Variants in SPSB4 observed in about 807,000 individuals in gnomAD.
SPSB4 encodes SPRY domain-containing SOCS box protein 4.
In SPSB4, 21 loss-of-function variants were observed where a neutral mutation model predicts 20.9. The ratio of observed to expected loss-of-function variants is 1.01; its 90% confidence interval spans 0.71 to 1.45. SPSB4 has a LOEUF of 1.45. SPSB4 is among the 40% of genes most tolerant of loss of function. The probability of loss-of-function intolerance (pLI) is 0.00; values close to 1 mark genes in which losing one functional copy is unlikely to be tolerated. For missense variants in SPSB4, 399 were observed against 399.2 expected (o/e 1.00, Z 0.00); for synonymous variants, 207 against 183.8 (o/e 1.13, Z -1.02).
At chr3:141,076,627 C>T (rs1938114933) in intron 2 of SPSB4, among the ~76,000 whole-genome samples, 1 of 152,178 alleles carries the variant, frequency 6.6e-6, no homozygotes, top group African/African-American at 2.4e-5. Context: ...GGAGATTAGG[C>T]CTGAGGGACA....
intron 2 of SPSB4, among the ~76,000 whole-genome samples, chr3:141,073,971 C>T (rs542724413): frequency 6.6e-6 from 1 of 152,356 alleles, no homozygotes; most frequent in African/African-American, 2.4e-5. Flanking sequence ...CGATCAGATG[C>T]TGTGGCCCTT....
At chr3:141,079,117 C>A (rs553310097) in intron 2 of SPSB4, among the ~76,000 whole-genome samples, 4 of 151,984 alleles carry the variant, frequency 2.6e-5, no homozygotes, top group Non-Finnish European at 5.9e-5. Context: ...CAAAAATAGC[C>A]GGGTGTGGTG....
intron 2 of SPSB4, among the ~76,000 whole-genome samples, chr3:141,119,508 C>A (rs1204639849): frequency 3.3e-5 from 5 of 152,182 alleles, no homozygotes; most frequent in African/African-American, 9.7e-5. Flanking sequence ...ATTGCCCTGG[C>A]CAGAACTTCC....
chr3:141,095,594 G>T (rs1047301118), intron 2 of SPSB4, among the ~76,000 whole-genome samples: 2 of 152,078 alleles, frequency 1.3e-5, no homozygotes, highest in Admixed American at 6.5e-5. Context: ...CTGTGAGAAG[G>T]ATGGATGAGG....
chr3:141,102,565 A>C (rs1376857943), intron 2 of SPSB4, among the ~76,000 whole-genome samples: 1 of 152,194 alleles, frequency 6.6e-6, no homozygotes, highest in Non-Finnish European at 1.5e-5. Context: ...CAGCAGCAGC[A>C]GCATGTGCAA....
chr3:141,093,730 G>A (rs1576528451), intron 2 of SPSB4, among the ~76,000 whole-genome samples: 1 of 152,182 alleles, frequency 6.6e-6, no homozygotes, highest in South Asian at 2.1e-4. Context: ...AGACTCTAAT[G>A]AGCAGTTCAA....
At chr3:141,130,240 A>G (rs1274820251) in intron 2 of SPSB4, among the ~76,000 whole-genome samples, 1 of 152,224 alleles carries the variant, frequency 6.6e-6, no homozygotes, top group East Asian at 1.9e-4. Flanking sequence ...TGAGGAAGAG[A>G]TGACACTTGA....
In SPSB4 at chr3:141,066,758, C is replaced by G; in HGVS notation, c.654C>G (p.Gly218=). 1 of 1,586,542 alleles carries G rather than the reference C, an allele frequency of 6.3e-7. No individual in the cohort carries two copies. The highest frequency in any genetic ancestry group is 8.6e-7 in the Non-Finnish European group (1 of 1,164,976). ...ACCCGGTGGTGAGTGCCGTGTGGGGCCACTGTGAAGTCACCATGCGCTACA... is the reference window on the plus strand; with the variant it reads ...ACCCGGTGGTGAGTGCCGTGTGGGGGCACTGTGAAGTCACCATGCGCTACA... ...KLYPVVSAVW[G]HCEVTMRYIN... The change falls in exon 2 of 3, where the codon GGC becomes GGG. Residue 218 remains glycine, a synonymous_variant. Transcript: ENST00000310546.
At position 141,066,206 on chromosome 3, in the gene SPSB4, G is replaced by A. The variant is rs780455009; in HGVS notation, c.102G>A (p.Pro34=). The part of the protein sequence containing the change: ...RELRGAEPGR[P]ARLDQLLDMP... ...TGCGGGGTGCAGAGCCCGGGCGGCCGGCGCGGCTGGACCAGCTGTTGGACA... is the reference window on the plus strand; with the variant it reads ...TGCGGGGTGCAGAGCCCGGGCGGCCAGCGCGGCTGGACCAGCTGTTGGACA... Residue 34 remains proline (P), a synonymous_variant, in exon 2 of 3, where the codon CCG becomes CCA. Coordinates refer to ENST00000310546, the MANE Select transcript of SPSB4 (RefSeq NM_080862.3). 1.3e-6 allele frequency: 2 copies of A among 1,532,860 alleles called. No individual in the cohort carries two copies. The highest frequency in any genetic ancestry group is 1.8e-6 in the Non-Finnish European group (2 of 1,141,786). The allele number at this position is 1,532,860 out of a possible 1,614,324, so 95.0% of individuals were successfully genotyped here.
chr3:141,125,134 C>G (rs1412677111), intron 2 of SPSB4, among the ~76,000 whole-genome samples: 2 of 152,164 alleles, frequency 1.3e-5, no homozygotes, highest in African/African-American at 2.4e-5. Context: ...TATCGATCAC[C>G]CTGATTAGAA....
chr3:141,126,762 T>C (rs1340283027), intron 2 of SPSB4, among the ~76,000 whole-genome samples: 1 of 152,242 alleles, frequency 6.6e-6, no homozygotes, highest in Non-Finnish European at 1.5e-5. Flanking sequence ...TTGGCTGGGA[T>C]AGGACTTGAA....
intron 2 of SPSB4, among the ~76,000 whole-genome samples, chr3:141,144,476 G>T (rs1939380862): frequency 6.6e-6 from 1 of 152,214 alleles, no homozygotes; most frequent in Non-Finnish European, 1.5e-5. Flanking sequence ...AAGCCTCAAA[G>T]CCAGGAGAGG....
intron 1 of SPSB4, among the ~76,000 whole-genome samples, chr3:141,061,978 A>G (rs1278977488): frequency 6.6e-6 from 1 of 151,856 alleles, no homozygotes; most frequent in Non-Finnish European, 1.5e-5. Flanking sequence ...CAAATGATCC[A>G]CCTGCCTTGG....
chr3:141,075,743 G>A (rs1938092641), intron 2 of SPSB4, among the ~76,000 whole-genome samples: 1 of 152,070 alleles, frequency 6.6e-6, no homozygotes, highest in African/African-American at 2.4e-5. Context: ...TGATCCCGCA[G>A]CCAAGCTAAA....
intron 2 of SPSB4, among the ~76,000 whole-genome samples, chr3:141,111,754 A>G (rs1268533533): frequency 1.3e-5 from 2 of 152,172 alleles, no homozygotes; most frequent in East Asian, 3.8e-4. Flanking sequence ...GGTCCTCGGA[A>G]AAAGACAAAG....
chr3:141,114,243 C>A (rs1938850628), intron 2 of SPSB4, among the ~76,000 whole-genome samples: 1 of 152,172 alleles, frequency 6.6e-6, no homozygotes, highest in African/African-American at 2.4e-5. Context: ...CAGTCAATCG[C>A]CCTGAGCATG....
chr3:141,092,302 T>C (rs1213795723), intron 2 of SPSB4, among the ~76,000 whole-genome samples: 1 of 152,210 alleles, frequency 6.6e-6, no homozygotes, highest in Non-Finnish European at 1.5e-5. Context: ...GCCTGCTAAA[T>C]AGTAGATATT....
chr3:141,134,751 T>C (rs1030040038), intron 2 of SPSB4, among the ~76,000 whole-genome samples: 2 of 152,200 alleles, frequency 1.3e-5, no homozygotes, highest in Non-Finnish European at 2.9e-5. Flanking sequence ...TGCATGTATG[T>C]TAATTAGGGA....
intron 2 of SPSB4, among the ~76,000 whole-genome samples, chr3:141,111,354 CTTTT>C (rs34223433): frequency 3.2e-5 from 2 of 61,810 alleles, no homozygotes; most frequent in Admixed American, 2.8e-4. Flanking sequence ...CTGGAACTTG[CTTTT>C]TTTTTTTTTT....
Sources: gnomAD v4.1 joint callset for allele counts (sites outside exome capture counted in the v4.1 genomes callset) on GRCh38, gnomAD v4.1.1 for gene constraint, MANE v1.5 for transcripts, NCBI Gene and HGNC (gene_info 2026-07-23, HGNC 2026-07-21) for gene names.